Variants in KCNK13 observed in about 807,000 individuals in gnomAD.
KCNK13 encodes the protein potassium two pore domain channel subfamily K member 13.
In KCNK13, 12 loss-of-function variants were observed where a neutral mutation model predicts 23.4. The ratio of observed to expected loss-of-function variants is 0.51; its 90% CI spans 0.33 to 0.83. The LOEUF is 0.83. Among genes scored for constraint, KCNK13 ranks in the 40% least tolerant of loss-of-function variants. The pLI, the probability that KCNK13 is intolerant of heterozygous loss-of-function variation, is 0.02. For synonymous variants in KCNK13, 231 were observed against 229.5 expected (o/e 1.01, Z -0.06); for missense variants, 463 against 556.3 (o/e 0.83, Z 1.69).
At chr14:90,158,815 G>A (rs1890222472) in intron 1 of KCNK13, among the ~76,000 whole-genome samples, 1 of 152,210 alleles carries the variant, frequency 6.6e-6, no homozygotes, top group African/African-American at 2.4e-5. Context: ...GACCTAACAA[G>A]CAACGTAACC....
Position 90,180,026 on chromosome 14 carries a change from G to A in KCNK13, c.335-4085G>A, listed in dbSNP as rs531124738. Among the ~76,000 whole-genome samples the A allele has an allele frequency of 4.0e-4, 61 of 152,206 alleles. 2 individuals carry two copies. The Middle Eastern group carries it at 0.014, about 34-fold the overall frequency. On this transcript the variant is annotated intron_variant, in intron 1 of 1. Transcript: ENST00000282146. ...ACACTTGGCTAATTTCCTTCCCTCC[G>A]TTCTGCTCATGGCTTGTACCTTGAC... is the stretch of plus-strand genomic sequence containing the variant.
At chr14:90,175,673 A>G (rs762532784) in intron 1 of KCNK13, among the ~76,000 whole-genome samples, 1 of 152,194 alleles carries the variant, frequency 6.6e-6, no homozygotes, top group Non-Finnish European at 1.5e-5. Context: ...ATATTTCATT[A>G]TCCATCGCTG....
At position 90,162,740 on chromosome 14, in the gene KCNK13, C is replaced by T. The variant is rs78016474; in HGVS notation, c.335-21371C>T. Among the ~76,000 whole-genome samples, 1,165 of 152,192 alleles carry T rather than the reference C, an allele frequency of 7.7e-3. 16 individuals are homozygous for T. Among genetic ancestry groups the T allele is most frequent in the African/African-American group, 0.027 (1,111 of 41,510 alleles). ...GAAGGAAAGACTTTACTCTCTGTGA[C>T]CCCAAAAGCCAAGAGCCACAATAAA... is the stretch of plus-strand genomic sequence containing the variant. On this transcript the variant is annotated intron_variant, in intron 1 of 1. Coordinates refer to ENST00000282146, the MANE Select transcript of KCNK13 (RefSeq NM_022054.4).
intron 1 of KCNK13, among the ~76,000 whole-genome samples, chr14:90,082,793 T>C (rs1338180852): frequency 6.6e-6 from 1 of 152,218 alleles, no homozygotes; most frequent in Admixed American, 6.5e-5. Context: ...GACATATGTT[T>C]TCATTTCTCT....
At chr14:90,133,728 G>T (rs1889902404) in intron 1 of KCNK13, among the ~76,000 whole-genome samples, 1 of 151,988 alleles carries the variant, frequency 6.6e-6, no homozygotes, top group Admixed American at 6.6e-5. Flanking sequence ...CCCTTTGTCT[G>T]CCTGAGAAAC....
intron 1 of KCNK13, among the ~76,000 whole-genome samples, chr14:90,174,802 CG>C (rs1259825811): frequency 1.3e-5 from 2 of 151,828 alleles, no homozygotes; most frequent in Non-Finnish European, 2.9e-5. Flanking sequence ...TGCAGTGAGC[CG>C]TGATCACACC....
intron 1 of KCNK13, among the ~76,000 whole-genome samples, chr14:90,134,784 T>G (rs894389852): frequency 6.6e-6 from 1 of 152,232 alleles, no homozygotes; most frequent in Non-Finnish European, 1.5e-5. Context: ...GAATGGTGTT[T>G]TGCATTTTCT....
intron 1 of KCNK13, among the ~76,000 whole-genome samples, chr14:90,131,305 C>G (rs980562468): frequency 5.3e-5 from 8 of 152,034 alleles, no homozygotes; most frequent in Non-Finnish European, 1.2e-4. Context: ...GATCTCAGCT[C>G]ACTGCAACCT....
chr14:90,184,235 C>T lies in KCNK13; in HGVS notation c.459C>T (p.Ile153=), dbSNP rs760545380. 1.9e-5 allele frequency: 30 copies of T among 1,614,136 alleles called. No individual in the cohort carries two copies. Among genetic ancestry groups the T allele is most frequent in the East Asian group, 4.5e-5 (2 of 44,894 alleles). ...NLFLERLITI[I]AYIMKSCHQR... Reference sequence around the variant, plus strand: ...TCCTGGAGCGCCTGATCACCATCATCGCCTACATCATGAAGTCGTGCCACC... The same window carrying T: ...TCCTGGAGCGCCTGATCACCATCATTGCCTACATCATGAAGTCGTGCCACC... Residue 153 remains isoleucine (I), a synonymous_variant, in exon 2 of 2, where the codon ATC becomes ATT. Coordinates refer to ENST00000282146, the MANE Select transcript of KCNK13 (RefSeq NM_022054.4). The surrounding 1 kb of genome is among the most constrained non-coding windows in gnomAD (Gnocchi z 5.6).
At chr14:90,130,547 C>G (rs999349057) in intron 1 of KCNK13, among the ~76,000 whole-genome samples, 1 of 151,676 alleles carries the variant, frequency 6.6e-6, no homozygotes, top group East Asian at 2.0e-4. Context: ...GCACAGTCGC[C>G]CATGCCTGTA....
rs1256061714 is a variant in KCNK13, at chr14:90,185,148, C to T, written c.*145C>T. ...CCGCAAGCATCTTTAGAAATCTGAT[C>T]TCGGCTCCAACCAACAGCCACCTTC... is the stretch of plus-strand genomic sequence containing the variant. On this transcript the variant is annotated 3_prime_UTR_variant, in exon 2 of 2. Coordinates refer to ENST00000282146, the MANE Select transcript of KCNK13 (RefSeq NM_022054.4). 1 of 690,048 alleles carries T rather than the reference C, an allele frequency of 1.4e-6. No homozygotes were observed. Among genetic ancestry groups the T allele is most frequent in the Non-Finnish European group, 2.3e-6 (1 of 443,650 alleles). The allele number at this position is 690,048 out of a possible 1,614,324, so 42.7% of individuals were successfully genotyped here.
At chr14:90,173,523 A>G (rs1890388851) in intron 1 of KCNK13, among the ~76,000 whole-genome samples, 1 of 152,176 alleles carries the variant, frequency 6.6e-6, no homozygotes, top group Non-Finnish European at 1.5e-5. Flanking sequence ...GGTCACCAAA[A>G]TGTTATCGAA....
chr14:90,103,398 A>G (rs979098919), intron 1 of KCNK13, among the ~76,000 whole-genome samples: 1 of 152,220 alleles, frequency 6.6e-6, no homozygotes, highest in Non-Finnish European at 1.5e-5. Flanking sequence ...TCCCACCAAT[A>G]GTGTACAAGT....
At chr14:90,170,853 C>T (rs1005515199) in intron 1 of KCNK13, among the ~76,000 whole-genome samples, 9 of 152,130 alleles carry the variant, frequency 5.9e-5, no homozygotes, top group Admixed American at 1.3e-4. Context: ...GGGCTGACTG[C>T]ACCTGTAAAG....
intron 1 of KCNK13, among the ~76,000 whole-genome samples, chr14:90,163,766 T>C (rs1890274911): frequency 6.6e-6 from 1 of 152,208 alleles, no homozygotes. Flanking sequence ...CTCGGCTCAC[T>C]GCAGCCTCCG....
intron 1 of KCNK13, among the ~76,000 whole-genome samples, chr14:90,090,001 A>C (rs970288958): frequency 5.3e-5 from 8 of 152,184 alleles, no homozygotes; most frequent in Non-Finnish European, 1.0e-4. Context: ...TCTCATGGAG[A>C]ACCTCTGCTA....
intron 1 of KCNK13, among the ~76,000 whole-genome samples, chr14:90,074,835 AT>A (rs1289702253): frequency 6.6e-6 from 1 of 152,140 alleles, no homozygotes; most frequent in African/African-American, 2.4e-5. Flanking sequence ...CACTTGCATA[AT>A]TTTTATTACT....
rs552677556 is a variant in KCNK13, at chr14:90,172,908, A to G, written c.335-11203A>G. Among the ~76,000 whole-genome samples the G allele has an allele frequency of 1.1e-4, 16 of 152,348 alleles. No individual in the cohort carries two copies. The East Asian group carries it at 3.1e-3, about 29-fold the overall frequency. On this transcript the variant is annotated intron_variant, in intron 1 of 1. Coordinates refer to ENST00000282146, the MANE Select transcript of KCNK13 (RefSeq NM_022054.4). ...GTTGTGAAAGATAAAAGGCTGGCCA[A>G]GCAGATTGTGTGAAACCCACTGCCC... is the stretch of plus-strand genomic sequence containing the variant.
chr14:90,091,507 G>GA (rs1287789578), intron 1 of KCNK13, among the ~76,000 whole-genome samples: 1 of 152,172 alleles, frequency 6.6e-6, no homozygotes, highest in East Asian at 1.9e-4. Context: ...CACAGTCAAA[G>GA]AAAAATAGCA....
Sources: gnomAD v4.1 joint callset for allele counts (sites outside exome capture counted in the v4.1 genomes callset) on GRCh38, gnomAD v4.1.1 for gene constraint, Gnocchi (gnomAD v3.1) non-coding constraint, MANE v1.5 for transcripts, NCBI Gene and HGNC (gene_info 2026-07-23, HGNC 2026-07-21) for gene names.